CCDC40: variants seen among roughly 807,000 people sequenced by gnomAD.
CCDC40 encodes coiled-coil domain 40 molecular ruler complex subunit, also known as coiled-coil domain-containing protein 40.
CCDC40 carries 104 observed loss-of-function variants against 124.5 expected under a neutral mutation model. The ratio of observed to expected loss-of-function variants is 0.84; its 90% confidence interval spans 0.71 to 0.98. CCDC40 has a LOEUF of 0.98. Ranked by LOEUF, CCDC40 falls within the 50% of genes least tolerant of loss-of-function variation. CCDC40 has a pLI of 0.00. For missense variants in CCDC40, 1,463 were observed against 1,503.9 expected (o/e 0.97, Z 0.45); for synonymous variants, 580 against 602.9 (o/e 0.96, Z 0.56).
Position 80,087,762 on chromosome 17 carries a change from G to GT in CCDC40, c.2606dup (p.Arg870AlafsTer7), listed in dbSNP as rs1296669672. ...CAACCGGGTGACAGAGAATGAGTTC[G>GT]TGCGCTCGCTGAAGGTCCGGCCGTG... On this transcript the variant is annotated frameshift_variant, in exon 15 of 20. Coordinates refer to ENST00000397545, the MANE Select transcript of CCDC40 (RefSeq NM_017950.4). LOFTEE classifies it high-confidence loss of function. The surrounding 1 kb of genome is among the most constrained non-coding windows in gnomAD (Gnocchi z 4.5). 6.2e-7 allele frequency: 1 copy of GT among 1,613,970 alleles called. No homozygotes were observed. Among genetic ancestry groups the GT allele is most frequent in the East Asian group, 2.2e-5 (1 of 44,886 alleles).
At chr17:80,097,137 T>C (rs1271140875) in intron 18 of CCDC40, 108 bp from the exon 19 acceptor site, 1 of 1,227,206 alleles carries the variant, frequency 8.1e-7, no homozygotes, top group Non-Finnish European at 1.2e-6. Flanking sequence ...GGAGCCTCCC[T>C]GGATGGAGTG....
Position 80,065,638 on chromosome 17 carries a change from C to T in CCDC40, c.1562+32C>T, listed in dbSNP as rs1157968432. ...CAGGGCCACAGGCAGCGAGGATGTG[C>T]GGGAACCCCAGGGGTCCGTGGCAGG... On this transcript the variant is annotated intron_variant, in intron 10 of 19. Transcript: ENST00000397545. 9.9e-6 allele frequency: 16 copies of T among 1,610,356 alleles called. No homozygotes were observed. The East Asian group carries it at 2.2e-4, about 22-fold the overall frequency.
chr17:80,085,862 G>T, intron 13 of CCDC40, 141 bp from the exon 14 acceptor site: 1 of 746,826 alleles, frequency 1.3e-6, no homozygotes, highest in Non-Finnish European at 2.4e-6. Flanking sequence ...TAGAGACGGG[G>T]TTTCACCCTG....
At chr17:80,036,719 T>C in intron 1 of CCDC40, 28 bp downstream of exon 1, 1 of 1,463,298 alleles carries the variant, frequency 6.8e-7, no homozygotes, top group Non-Finnish European at 9.0e-7. Context: ...GCAGCGGGTC[T>C]TGGAGTCGCC....
intron 10 of CCDC40, among the ~76,000 whole-genome samples, chr17:80,075,572 C>T (rs1011190993): frequency 4.6e-5 from 7 of 152,268 alleles, no homozygotes; most frequent in Non-Finnish European, 5.9e-5. Context: ...CCGCCCGCCC[C>T]GGGTTAGTGG....
rs1014581934 is a variant in CCDC40, at chr17:80,058,279, C to T, written c.1160-215C>T. On this transcript the variant is annotated intron_variant, in intron 7 of 19. Transcript: ENST00000397545. The surrounding 1 kb of genome is among the most constrained non-coding windows in gnomAD (Gnocchi z 4.2). ...TGCTGCAATTTGTGGATGTAGATTC[C>T]GTATATTTTTGTCTCTTCCAAGAGA... is the stretch of plus-strand genomic sequence containing the variant. 2.6e-5 allele frequency among the ~76,000 whole-genome samples: 4 copies of T among 152,158 alleles called. No homozygotes were observed. Among genetic ancestry groups the T allele is most frequent in the African/African-American group, 4.8e-5 (2 of 41,446 alleles).
In CCDC40 at chr17:80,087,293, T is replaced by G; in HGVS notation, c.2450-314T>G. 1 of 444,412 alleles carries G rather than the reference T, an allele frequency of 2.3e-6. No homozygotes were observed. The highest frequency in any genetic ancestry group is 4.2e-6 in the Non-Finnish European group (1 of 238,852). 27.5% of individuals were successfully genotyped at this position (444,412 alleles called of 1,614,324 possible). On this transcript the variant is annotated intron_variant, in intron 14 of 19. Coordinates refer to ENST00000397545, the MANE Select transcript of CCDC40 (RefSeq NM_017950.4). This position sits in a 1 kb window ranked among gnomAD's most constrained non-coding sequence, Gnocchi z 4.5. ...GGTGCTCCACAGATTTGCAAGTGTC[T>G]GGGGGAGGGAGCCTGGCCCTCCCAC...
At chr17:80,090,348 G>C (rs2038695951) in intron 17 of CCDC40, 1 of 1,037,612 alleles carries the variant, frequency 9.6e-7, no homozygotes, top group Non-Finnish European at 1.3e-6. Flanking sequence ...CACGAACAAG[G>C]GACGCGCGCA....
At position 80,086,457 on chromosome 17, in the gene CCDC40, G is replaced by A. The variant is rs193121476; in HGVS notation, c.2449+241G>A. ...GTCACGAAATGGCTCCAAGCTCACG[G>A]ACTTCAGAGCTCTCCTTGAGAGAGG... On this transcript the variant is annotated intron_variant, in intron 14 of 19. Transcript: ENST00000397545. The surrounding 1 kb of genome is among the most constrained non-coding windows in gnomAD (Gnocchi z 5.5). The A allele has an allele frequency of 2.0e-6, 1 of 505,692 alleles. No individual in the cohort carries two copies. Among genetic ancestry groups the A allele is most frequent in the Admixed American group, 3.2e-5 (1 of 31,654 alleles). 31.3% of individuals were successfully genotyped at this position (505,692 alleles called of 1,614,324 possible). A position where few individuals can be genotyped will look rare whatever the true frequency, so the allele number is the denominator to read the frequency against.
chr17:80,079,100 AT>A (rs560766297), intron 10 of CCDC40, among the ~76,000 whole-genome samples: 1 of 151,672 alleles, frequency 6.6e-6, no homozygotes, highest in Non-Finnish European at 1.5e-5. Flanking sequence ...CGCCCGGCTA[AT>A]TTTTTTTGTA....
In CCDC40 at chr17:80,093,916, C is replaced by T. The variant is rs62075583; in HGVS notation, c.2833-1347C>T. Reference sequence around the variant, plus strand: ...AATAGTGGCTCTGACCTATCATTGTCTTTGCCCTCTGTTTAGGGGGTCTTT... The same window carrying T: ...AATAGTGGCTCTGACCTATCATTGTTTTTGCCCTCTGTTTAGGGGGTCTTT... On this transcript the variant is annotated intron_variant, in intron 17 of 19. Transcript: ENST00000397545. Among the ~76,000 whole-genome samples the T allele has an allele frequency of 8.9e-3, 1,357 of 152,262 alleles. 16 individuals carry two copies. Among genetic ancestry groups the T allele is most frequent in the Non-Finnish European group, 0.011 (721 of 68,014 alleles).
At chr17:80,057,695 T>C (rs1243898337) in intron 7 of CCDC40, among the ~76,000 whole-genome samples, 1 of 151,764 alleles carries the variant, frequency 6.6e-6, no homozygotes, top group East Asian at 2.0e-4. Context: ...GCTAACATGG[T>C]GAAACCCCGT....
intron 3 of CCDC40, among the ~76,000 whole-genome samples, chr17:80,044,978 C>T (rs1041155248): frequency 2.0e-5 from 3 of 152,160 alleles, no homozygotes; most frequent in East Asian, 1.9e-4. Context: ...GTTGTGCACA[C>T]GGACACCCGG....
rs1052044000 is a variant in CCDC40, at chr17:80,100,123, A to G, written c.*348A>G. On this transcript the variant is annotated 3_prime_UTR_variant, in exon 20 of 20. Transcript: ENST00000397545. The stretch of plus-strand genomic sequence containing the variant: ...GTGCCTCTCACAACACAACGCTGCC[A>G]CAGGTCCACAAGCTGGTGGGCTGAG... 3 of 352,518 alleles carry G rather than the reference A, an allele frequency of 8.5e-6. No individual in the cohort carries two copies. Among genetic ancestry groups the G allele is most frequent in the African/African-American group, 2.1e-5 (1 of 46,990 alleles). 21.8% of individuals were successfully genotyped at this position (352,518 alleles called of 1,614,324 possible). A position where few individuals can be genotyped will look rare whatever the true frequency, so the allele number is the denominator to read the frequency against.
rs2038048192 is a variant in CCDC40, at chr17:80,066,402, C to CGTTT, written c.1562+796_1562+797insGTTT. The CGTTT allele has an allele frequency of 1.9e-6, 1 of 539,464 alleles. No homozygotes were observed. 33.4% of individuals were successfully genotyped at this position (539,464 alleles called of 1,614,324 possible). A position where few individuals can be genotyped will look rare whatever the true frequency, so the allele number is the denominator to read the frequency against. On this transcript the variant is annotated intron_variant, in intron 10 of 19. Coordinates refer to ENST00000397545, the MANE Select transcript of CCDC40 (RefSeq NM_017950.4). The surrounding 1 kb of genome is among the most constrained non-coding windows in gnomAD (Gnocchi z 4.4). Reference sequence around the variant, plus strand: ...CTGTGATTAAAGAAACAAAATGAAACCATTTTGTTTTTAAAAGTTTTTAGA... The same window carrying CGTTT: ...CTGTGATTAAAGAAACAAAATGAAACGTTTCATTTTGTTTTTAAAAGTTTTTAGA...
chr17:80,089,484 A>G lies in CCDC40; in HGVS notation c.2712-280A>G, dbSNP rs1457455176. 2.1e-5 allele frequency: 9 copies of G among 434,296 alleles called. No homozygotes were observed. In the Admixed American group the frequency reaches 3.2e-4, roughly 15 times the overall value. 26.9% of individuals were successfully genotyped at this position (434,296 alleles called of 1,614,324 possible). A position where few individuals can be genotyped will look rare whatever the true frequency, so the allele number is the denominator to read the frequency against. On this transcript the variant is annotated intron_variant, in intron 16 of 19. Coordinates refer to ENST00000397545, the MANE Select transcript of CCDC40 (RefSeq NM_017950.4). ...TTCTATCAATTATACTGACTTTCTC[A>G]GCTCCTACAGTTATATATCCCTGTT...
At chr17:80,099,461 G>A (rs1161904540) in intron 19 of CCDC40, 66 bp from the exon 20 acceptor site, 4 of 1,570,616 alleles carry the variant, frequency 2.5e-6, no homozygotes, top group African/African-American at 2.7e-5. Flanking sequence ...CTGAGTTTGT[G>A]GGGGGCCAGC....
chr17:80,097,226 G>A lies in CCDC40; in HGVS notation c.3022-19G>A. 6.2e-7 allele frequency: 1 copy of A among 1,613,710 alleles called. No homozygotes were observed. The highest frequency in any genetic ancestry group is 8.5e-7 in the Non-Finnish European group (1 of 1,179,906). On this transcript the variant is annotated intron_variant, in intron 18 of 19. Coordinates refer to ENST00000397545, the MANE Select transcript of CCDC40 (RefSeq NM_017950.4). The stretch of plus-strand genomic sequence containing the variant: ...TAGCCGGGCTGCAGGGGCCCAGCAT[G>A]GTCCTGTGATTCTCCTAGGCCACCG...
intron 9 of CCDC40, among the ~76,000 whole-genome samples, chr17:80,063,755 C>T (rs900659712): frequency 6.6e-6 from 1 of 152,220 alleles, no homozygotes; most frequent in Non-Finnish European, 1.5e-5. Flanking sequence ...CCGCCTTGAC[C>T]TCCCAAAGTG....
Sources: gnomAD v4.1 joint callset for allele counts (sites outside exome capture counted in the v4.1 genomes callset) on GRCh38, gnomAD v4.1.1 for gene constraint, Gnocchi (gnomAD v3.1) non-coding constraint, MANE v1.5 for transcripts, NCBI Gene and HGNC (gene_info 2026-07-23, HGNC 2026-07-21) for gene names.